EARS2: variants seen among roughly 807,000 people sequenced by gnomAD.
EARS2 encodes glutamyl-tRNA synthetase 2, mitochondrial.
A neutral mutation model predicts 54.1 loss-of-function variants in EARS2; 50 were observed. The ratio of observed to expected loss-of-function variants is 0.92; its 90% CI spans 0.74 to 1.17. The LOEUF (loss-of-function observed/expected upper bound fraction) is 1.17. EARS2 is among the 50% of genes most tolerant of loss of function. The pLI, the probability that EARS2 is intolerant of heterozygous loss-of-function variation, is 0.00. For synonymous variants in EARS2, 298 were observed against 281.0 expected, an observed-to-expected ratio of 1.06 and a Z score of -0.61; for missense variants, 673 against 675.0, an observed-to-expected ratio of 1.00 and a Z score of 0.03.
intron 7 of EARS2, among the ~76,000 whole-genome samples, chr16:23,527,888 C>T (rs571981915): frequency 1.3e-5 from 2 of 152,166 alleles, no homozygotes; most frequent in Admixed American, 6.5e-5. Flanking sequence ...TCTCTATGTT[C>T]GGAATGTTTG....
intron 3 of EARS2, among the ~76,000 whole-genome samples, chr16:23,536,523 G>A (rs1360177804): frequency 1.3e-5 from 2 of 152,040 alleles, no homozygotes; most frequent in Non-Finnish European, 2.9e-5. Context: ...TCAGCCAGGT[G>A]TGGTGGTGCA....
intron 1 of EARS2, 146 bp downstream of exon 1, chr16:23,557,059 C>T: frequency 1.6e-6 from 2 of 1,244,816 alleles, no homozygotes; most frequent in Non-Finnish European, 1.1e-6. Flanking sequence ...CCTCAGTTTC[C>T]GCCTCTGTAA....
rs535696869 is a variant in EARS2, at chr16:23,541,452, A to T, written c.485+3062T>A. On this transcript the variant is annotated intron_variant, in intron 3 of 8. Transcript: ENST00000449606. The stretch of plus-strand genomic sequence containing the variant: ...GAATATTATGCATTATTATGGACTG[A>T]TATCTGATCCTCAAGATGGTAAGCG... Among the ~76,000 whole-genome samples the T allele has an allele frequency of 2.6e-5, 4 of 152,364 alleles. No homozygotes were observed. The South Asian group carries it at 6.2e-4, about 24-fold the overall frequency.
intron 3 of EARS2, among the ~76,000 whole-genome samples, chr16:23,540,871 G>C (rs1269366766): frequency 1.3e-5 from 2 of 152,124 alleles, no homozygotes; most frequent in African/African-American, 4.8e-5. Flanking sequence ...TGCACCTCTA[G>C]TCCCAGCTCC....
rs2142154683 is a variant in EARS2 at position 23,521,442 on chromosome 16, C to T, written c.*2929G>A. On this transcript the variant is annotated 3_prime_UTR_variant, in exon 9 of 9. Coordinates refer to ENST00000449606, the MANE Select transcript of EARS2 (RefSeq NM_001083614.2). ...AGACACAGGATCTTGCTCTGTTGCC[C>T]AGGTTAGAGTGCAGTAGTGCATTCA... 6.6e-6 allele frequency among the ~76,000 whole-genome samples: 1 copy of T among 151,716 alleles called. No homozygotes were observed.
At chr16:23,547,905 T>C (rs989306599) in intron 2 of EARS2, among the ~76,000 whole-genome samples, 2 of 148,932 alleles carry the variant, frequency 1.3e-5, no homozygotes, top group African/African-American at 2.5e-5. Context: ...GAAACCAGCC[T>C]GGGCAACATG....
Position 23,520,816 on chromosome 16 carries a change from T to C in EARS2, c.*3555A>G, listed in dbSNP as rs1465396567. Among the ~76,000 whole-genome samples, 2 of 152,098 alleles carry C rather than the reference T, an allele frequency of 1.3e-5. No homozygotes were observed. Among genetic ancestry groups the C allele is most frequent in the Non-Finnish European group, 2.9e-5 (2 of 68,036 alleles). ...TTATTAATTTCTTGTTGAGACAGAGTGTCGCTCTGTTCCCCAGGCTGGAGT... is the reference window on the plus strand; with the variant it reads ...TTATTAATTTCTTGTTGAGACAGAGCGTCGCTCTGTTCCCCAGGCTGGAGT... On this transcript the variant is annotated 3_prime_UTR_variant, in exon 9 of 9. Coordinates refer to ENST00000449606, the MANE Select transcript of EARS2 (RefSeq NM_001083614.2).
At chr16:23,554,074 G>A (rs891893320) in intron 1 of EARS2, among the ~76,000 whole-genome samples, 1 of 152,098 alleles carries the variant, frequency 6.6e-6, no homozygotes, top group Non-Finnish European at 1.5e-5. Context: ...CAGTGGTACA[G>A]TCACGGCTCA....
chr16:23,550,903 C>T (rs1965684387), intron 2 of EARS2: 1 of 152,064 alleles, frequency 6.6e-6, no homozygotes, highest in African/African-American at 2.4e-5. Context: ...CTAGTCACAC[C>T]CGTCCATACA....
At chr16:23,554,234 GGT>G (rs1369008296) in intron 1 of EARS2, among the ~76,000 whole-genome samples, 2 of 151,652 alleles carry the variant, frequency 1.3e-5, no homozygotes, top group African/African-American at 2.4e-5. Context: ...TGCCCAGGCT[GGT>G]CTCAAACTCC....
Position 23,535,033 on chromosome 16 carries a change from G to A in EARS2, c.813C>T (p.Phe271=), listed in dbSNP as rs149664520. ...YQALGWQPPH[F]AHLPLLLNRD... is the part of the protein sequence containing the mutation. ...TGTTGAGGAGCAGGGGCAGGTGGGC[G>A]AAGTGGGGTGGCTGCCAGCCCAGGG... Residue 271 remains phenylalanine, a synonymous_variant, in exon 4 of 9, where the codon TTC becomes TTT. Transcript: ENST00000449606. 548 of 1,610,942 alleles carry A rather than the reference G, an allele frequency of 3.4e-4. 1 individual carries two copies. The African/African-American group carries it at 4.4e-3, about 13-fold the overall frequency.
At chr16:23,530,987 G>C (rs1965317542) in intron 5 of EARS2, among the ~76,000 whole-genome samples, 1 of 151,968 alleles carries the variant, frequency 6.6e-6, no homozygotes, top group Admixed American at 6.6e-5. Flanking sequence ...CACCTCCCAG[G>C]TTTAAGTGAT....
chr16:23,547,392 G>A (rs1195071122), intron 2 of EARS2, among the ~76,000 whole-genome samples: 1 of 152,174 alleles, frequency 6.6e-6, no homozygotes, highest in Non-Finnish European at 1.5e-5. Context: ...TTCTTTTAGG[G>A]GTGATGGAAA....
At chr16:23,557,040 G>A (rs566036256) in intron 1 of EARS2, 165 bp downstream of exon 1, 3 of 1,040,262 alleles carry the variant, frequency 2.9e-6, no homozygotes, top group Admixed American at 4.4e-5. Flanking sequence ...AATTATTTCC[G>A]CTCCTGCACC....
intron 5 of EARS2, among the ~76,000 whole-genome samples, chr16:23,531,448 A>G (rs1311797978): frequency 1.3e-5 from 2 of 151,956 alleles, no homozygotes; most frequent in Non-Finnish European, 2.9e-5. Flanking sequence ...TTTTTAGTAG[A>G]GACGGGGTTT....
intron 4 of EARS2, 71 bp from the exon 5 acceptor site, chr16:23,532,836 T>A: frequency 1.8e-6 from 2 of 1,115,700 alleles, no homozygotes; most frequent in Non-Finnish European, 2.6e-6. Flanking sequence ...CTCTTTTTTT[T>A]AAGAGACAGG....
Position 23,529,588 on chromosome 16 carries a change from A to G in EARS2, c.1266T>C (p.Ser422=), listed in dbSNP as rs1189457023. Reference sequence around the variant, plus strand: ...CTACTGCAGGGCGAGTCCACAGGTAAGAGTATACTGGGGACACCAAGTCCT... The same window carrying G: ...CTACTGCAGGGCGAGTCCACAGGTAGGAGTATACTGGGGACACCAAGTCCT... ...RLQDLVSPVY[S]YLWTRPAVGR... Residue 422 remains serine (S), a synonymous_variant, in exon 7 of 9, where the codon TCT becomes TCC. Coordinates refer to ENST00000449606, the MANE Select transcript of EARS2 (RefSeq NM_001083614.2). 8.7e-6 allele frequency: 14 copies of G among 1,614,186 alleles called. No individual in the cohort carries two copies. Among genetic ancestry groups the G allele is most frequent in the Non-Finnish European group, 1.2e-5 (14 of 1,180,016 alleles).
At chr16:23,543,300 T>C (rs930018151) in intron 3 of EARS2, among the ~76,000 whole-genome samples, 1 of 151,270 alleles carries the variant, frequency 6.6e-6, no homozygotes, top group Admixed American at 6.6e-5. Context: ...CAGTCCTAGT[T>C]ACTTGGGAGG....
intron 2 of EARS2, among the ~76,000 whole-genome samples, chr16:23,548,902 T>C (rs558835090): frequency 1.3e-5 from 2 of 152,202 alleles, no homozygotes; most frequent in Admixed American, 1.3e-4. Context: ...TCTAAGCCCA[T>C]AAAAATGATA....
Sources: gnomAD v4.1 joint callset for allele counts (sites outside exome capture counted in the v4.1 genomes callset) on GRCh38, gnomAD v4.1.1 for gene constraint, MANE v1.5 for transcripts, NCBI Gene and HGNC (gene_info 2026-07-23, HGNC 2026-07-21) for gene names.